FBXW7: variants seen among roughly 807,000 people sequenced by gnomAD.
FBXW7 encodes F-box and WD repeat domain containing 7.
FBXW7 carries 11 observed loss-of-function variants against 86.3 expected under a neutral mutation model. The observed-to-expected ratio is 0.13, with a 90% confidence interval of 0.08 to 0.21. The LOEUF (loss-of-function observed/expected upper bound fraction) is 0.21, where lower values mean the gene tolerates loss of function less well. Among genes scored for constraint, FBXW7 ranks in the 10% least tolerant of loss-of-function variants. The probability of loss-of-function intolerance (pLI) is 1.00; values close to 1 mark genes in which losing one functional copy is unlikely to be tolerated. For missense variants in FBXW7, 488 were observed against 847.4 expected, an observed-to-expected ratio of 0.58 and a Z score of 5.27; for synonymous variants, 313 against 297.9, an observed-to-expected ratio of 1.05 and a Z score of -0.52.
At chr4:152,457,119 G>A (rs1560921031) in intron 2 of FBXW7, among the ~76,000 whole-genome samples, 1 of 152,288 alleles carries the variant, frequency 6.6e-6, no homozygotes, top group East Asian at 1.9e-4. Flanking sequence ...GTTGAAAGAA[G>A]TCAGACAAAA....
intron 7 of FBXW7, among the ~76,000 whole-genome samples, chr4:152,335,943 T>C (rs1422212287): frequency 6.6e-6 from 1 of 152,176 alleles, no homozygotes; most frequent in African/African-American, 2.4e-5. Flanking sequence ...TCAAGCTTTT[T>C]GAGATTAATA....
At chr4:152,331,442 T>C (rs1053594017) in intron 8 of FBXW7, among the ~76,000 whole-genome samples, 1 of 152,124 alleles carries the variant, frequency 6.6e-6, no homozygotes, top group African/African-American at 2.4e-5. Context: ...GAAGACATTA[T>C]GCTAAGTGAA....
chr4:152,372,868 T>C (rs904829413), intron 4 of FBXW7, among the ~76,000 whole-genome samples: 2 of 152,088 alleles, frequency 1.3e-5, no homozygotes, highest in African/African-American at 4.8e-5. Context: ...GATTTATAAA[T>C]CATGTGCTAA....
At chr4:152,483,819 G>T (rs1024727958) in intron 2 of FBXW7, among the ~76,000 whole-genome samples, 1 of 151,992 alleles carries the variant, frequency 6.6e-6, no homozygotes, top group Non-Finnish European at 1.5e-5. Flanking sequence ...CCCTATTCCT[G>T]TATCACTAGA....
chr4:152,386,216 A>T (rs1004039455), intron 4 of FBXW7, among the ~76,000 whole-genome samples: 3 of 152,086 alleles, frequency 2.0e-5, no homozygotes, highest in Admixed American at 2.0e-4. Context: ...TCTTTTAAAG[A>T]TGATACCACA....
chr4:152,404,328 A>G (rs1560855285), intron 4 of FBXW7, among the ~76,000 whole-genome samples: 1 of 152,250 alleles, frequency 6.6e-6, no homozygotes, highest in Non-Finnish European at 1.5e-5. Context: ...AGAGGCATAT[A>G]TGCTTGTTAT....
At chr4:152,479,588 GACTT>G (rs1744704901) in intron 2 of FBXW7, among the ~76,000 whole-genome samples, 1 of 151,976 alleles carries the variant, frequency 6.6e-6, no homozygotes, top group African/African-American at 2.4e-5. Context: ...AATGTATTCT[GACTT>G]ACTCCACAAC....
At chr4:152,412,281 G>A (rs954335715) in intron 3 of FBXW7, among the ~76,000 whole-genome samples, 199 bp downstream of exon 3, 1 of 151,920 alleles carries the variant, frequency 6.6e-6, no homozygotes, top group African/African-American at 2.4e-5. Flanking sequence ...AGTTAATTTG[G>A]GAAATGCTGA....
At chr4:152,445,883 C>G (rs1014160591) in intron 2 of FBXW7, among the ~76,000 whole-genome samples, 1 of 140,736 alleles carries the variant, frequency 7.1e-6, no homozygotes, top group Non-Finnish European at 1.5e-5. Context: ...GTACTCCAAC[C>G]TGGGTGACAC....
At chr4:152,445,708 G>GCT (rs1741310179) in intron 2 of FBXW7, among the ~76,000 whole-genome samples, 1 of 152,080 alleles carries the variant, frequency 6.6e-6, no homozygotes, top group Admixed American at 6.6e-5. Context: ...AGGAGTTAGA[G>GCT]ATCAGCCTGG....
chr4:152,414,064 T>G (rs1018051422), intron 2 of FBXW7, among the ~76,000 whole-genome samples: 1 of 152,176 alleles, frequency 6.6e-6, no homozygotes, highest in Non-Finnish European at 1.5e-5. Flanking sequence ...GTCACAACAC[T>G]GTTGCCAACT....
chr4:152,335,310 G>A (rs544778234), intron 7 of FBXW7, among the ~76,000 whole-genome samples: 10 of 143,214 alleles, frequency 7.0e-5, no homozygotes, highest in Middle Eastern at 7.0e-3. Flanking sequence ...CCCCCACCCC[G>A]CAAAAAAATT....
chr4:152,360,201 A>T (rs1292397605), intron 4 of FBXW7, among the ~76,000 whole-genome samples: 1 of 152,152 alleles, frequency 6.6e-6, no homozygotes, highest in African/African-American at 2.4e-5. Flanking sequence ...TTAGGGCATT[A>T]TGTGTCTTTC....
intron 2 of FBXW7, among the ~76,000 whole-genome samples, chr4:152,457,505 G>C (rs977572186): frequency 1.3e-5 from 2 of 151,986 alleles, no homozygotes; most frequent in Non-Finnish European, 2.9e-5. Flanking sequence ...TTAGCTGGGC[G>C]TGGTGGCAGG....
At chr4:152,458,308 C>T (rs954209428) in intron 2 of FBXW7, among the ~76,000 whole-genome samples, 4 of 152,138 alleles carry the variant, frequency 2.6e-5, no homozygotes. Flanking sequence ...CGTGAGCCAC[C>T]GCGCCCGGCC....
At chr4:152,396,456 C>T (rs746993153) in intron 4 of FBXW7, among the ~76,000 whole-genome samples, 5 of 151,888 alleles carry the variant, frequency 3.3e-5, no homozygotes, top group South Asian at 2.1e-4. Flanking sequence ...TTTGAGTGCT[C>T]AGCAATACTG....
At chr4:152,475,593 C>G (rs191009323) in intron 2 of FBXW7, among the ~76,000 whole-genome samples, 6 of 152,138 alleles carry the variant, frequency 3.9e-5, no homozygotes, top group South Asian at 4.1e-4. Context: ...TGTAAAACAG[C>G]CTTTATTCAA....
rs1746327934 is a variant in FBXW7 at position 152,496,190 on chromosome 4, C to T, written c.-120+38751G>A. ...AGACACACCACCTCAAACAAACAAA[C>T]AAAAACAACTAAGAATTCAGCAAGA... is the stretch of plus-strand genomic sequence containing the variant. On this transcript the variant is annotated intron_variant, in intron 2 of 13. Coordinates refer to ENST00000281708, the MANE Select transcript of FBXW7 (RefSeq NM_001349798.2). 8.6e-5 allele frequency among the ~76,000 whole-genome samples: 13 copies of T among 152,036 alleles called. No homozygotes were observed. In the South Asian group the frequency reaches 2.7e-3, roughly 32 times the overall value.
rs553025144 is a variant in FBXW7, at chr4:152,325,177, A to G, written c.1645-783T>C. The G allele has an allele frequency of 9.2e-5, 14 of 152,272 alleles. No homozygotes were observed. The East Asian group carries it at 2.7e-3, about 29-fold the overall frequency. The allele number at this position is 152,272 out of a possible 1,614,324, so 9.4% of individuals were successfully genotyped here. Reference sequence around the variant, plus strand: ...AGCCAATTCCCCTTCCTCCAAATTCATCACCTTTTCTAATTTAGCAAACAT... The same window carrying G: ...AGCCAATTCCCCTTCCTCCAAATTCGTCACCTTTTCTAATTTAGCAAACAT... On this transcript the variant is annotated intron_variant, in intron 12 of 13. Transcript: ENST00000281708.
Sources: allele counts gnomAD v4.1 joint callset (sites outside exome capture counted in the v4.1 genomes callset), GRCh38; gene constraint gnomAD v4.1.1; transcripts MANE v1.5; gene names NCBI Gene and HGNC (gene_info 2026-07-23, HGNC 2026-07-21).